The following CACNG4 variants were observed in gnomAD, a reference collection of about 807,000 sequenced individuals.
CACNG4 encodes the protein calcium voltage-gated channel auxiliary subunit gamma 4, also known as voltage-dependent calcium channel gamma-4 subunit.
Under a neutral mutation model 22.9 loss-of-function variants are expected in CACNG4, and 8 were observed. That is an observed-to-expected ratio of 0.35 (90% CI 0.21 to 0.63). The LOEUF is 0.63. Ranked by LOEUF, CACNG4 falls within the 30% of genes least tolerant of loss-of-function variation. The pLI is 0.72. For missense variants in CACNG4, 357 were observed against 455.4 expected (o/e 0.78, Z 1.97); for synonymous variants, 188 against 191.9 (o/e 0.98, Z 0.17).
At chr17:67,014,815 T>C (rs1372825000) in intron 1 of CACNG4, among the ~76,000 whole-genome samples, 1 of 151,982 alleles carries the variant, frequency 6.6e-6, no homozygotes, top group South Asian at 2.1e-4. Flanking sequence ...TGCGTGCCTG[T>C]AGTCTCAGTT....
At chr17:67,026,208 GGT>G in intron 3 of CACNG4, among the ~76,000 whole-genome samples, 1 of 150,940 alleles carries the variant, frequency 6.6e-6, no homozygotes, top group East Asian at 2.0e-4. Flanking sequence ...TGAGGACTGT[GGT>G]GTGTTTGTGT....
chr17:66,988,263 C>T lies in CACNG4; in HGVS notation c.220+23132C>T, dbSNP rs538073880. ...GCGGGAAGACCCAGGCTGGAGCACA[C>T]GCATCAAGGCTCAGCGCTGTCTGCT... is the stretch of plus-strand genomic sequence containing the variant. On this transcript the variant is annotated intron_variant, in intron 1 of 3. Coordinates refer to ENST00000262138, the MANE Select transcript of CACNG4 (RefSeq NM_014405.4). Among the ~76,000 whole-genome samples the T allele has an allele frequency of 3.3e-5, 5 of 152,184 alleles. No individual in the cohort carries two copies. In the South Asian group the frequency reaches 8.3e-4, roughly 25 times the overall value.
intron 1 of CACNG4, among the ~76,000 whole-genome samples, chr17:67,016,656 C>A (rs2035500194): frequency 6.6e-6 from 1 of 152,194 alleles, no homozygotes; most frequent in Non-Finnish European, 1.5e-5. Context: ...GTGGAAACTG[C>A]TCCTTTGGTG....
intron 1 of CACNG4, among the ~76,000 whole-genome samples, chr17:67,004,389 G>A (rs1033100698): frequency 1.2e-4 from 19 of 152,288 alleles, no homozygotes; most frequent in African/African-American, 4.6e-4. Flanking sequence ...GGCTGGTGCT[G>A]TGGGTTCTTG....
At chr17:66,990,689 A>AT (rs1303150626) in intron 1 of CACNG4, among the ~76,000 whole-genome samples, 1 of 132,170 alleles carries the variant, frequency 7.6e-6, no homozygotes, top group African/African-American at 3.1e-5. Context: ...TATTTTATTT[A>AT]TTTATTTTTG....
chr17:66,990,619 T>G (rs1256868486), intron 1 of CACNG4, among the ~76,000 whole-genome samples: 2 of 152,094 alleles, frequency 1.3e-5, no homozygotes, highest in African/African-American at 4.8e-5. Context: ...TACGAAATTT[T>G]CTTCTGCACT....
At chr17:67,001,131 G>A (rs2035405664) in intron 1 of CACNG4, among the ~76,000 whole-genome samples, 1 of 152,060 alleles carries the variant, frequency 6.6e-6, no homozygotes, top group East Asian at 1.9e-4. Context: ...ATAAAGGGCA[G>A]TTCCCCTGCA....
At chr17:66,985,800 T>A (rs1457481902) in intron 1 of CACNG4, among the ~76,000 whole-genome samples, 1 of 152,084 alleles carries the variant, frequency 6.6e-6, no homozygotes, top group Non-Finnish European at 1.5e-5. Flanking sequence ...TGGAAATGCG[T>A]TAAGTGCACG....
chr17:66,996,776 G>A (rs1048275281), intron 1 of CACNG4, among the ~76,000 whole-genome samples: 3 of 152,178 alleles, frequency 2.0e-5, no homozygotes, highest in East Asian at 1.9e-4. Context: ...CCTGGCTCAC[G>A]GGGAGACACA....
At chr17:66,967,360 G>A (rs2035176981) in intron 1 of CACNG4, among the ~76,000 whole-genome samples, 1 of 152,164 alleles carries the variant, frequency 6.6e-6, no homozygotes, top group Non-Finnish European at 1.5e-5. Flanking sequence ...CCCAGGGCTG[G>A]GAGAGTGGGT....
chr17:67,032,020 C>T lies in CACNG4; in HGVS notation c.*1016C>T, dbSNP rs1480928982. The T allele has an allele frequency of 4.4e-6, 2 of 453,122 alleles. No homozygotes were observed. The highest frequency in any genetic ancestry group is 8.9e-6 in the Non-Finnish European group (2 of 225,940). The allele number at this position is 453,122 out of a possible 1,614,324, so 28.1% of individuals were successfully genotyped here. The stretch of plus-strand genomic sequence containing the variant: ...CAAACATCCATTTCCTAGGTGGTTA[C>T]AAATCATAACTTCCTGCAAATCAAC... On this transcript the variant is annotated 3_prime_UTR_variant, in exon 4 of 4. Transcript: ENST00000262138.
At chr17:66,989,648 G>A (rs1042620341) in intron 1 of CACNG4, among the ~76,000 whole-genome samples, 2 of 151,602 alleles carry the variant, frequency 1.3e-5, no homozygotes, top group South Asian at 2.1e-4. Flanking sequence ...AATAACTGCC[G>A]AATTAACCAC....
rs574061061 is a variant in CACNG4, at chr17:67,027,243, G to A, written c.445+2243G>A. Reference sequence around the variant, plus strand: ...TTCGAGGTGCCCCCTGCAGCTGCCCGTGCCCCCAGGAGGAGCCGTTTCAAA... The same window carrying A: ...TTCGAGGTGCCCCCTGCAGCTGCCCATGCCCCCAGGAGGAGCCGTTTCAAA... On this transcript the variant is annotated intron_variant, in intron 3 of 3. Coordinates refer to ENST00000262138, the MANE Select transcript of CACNG4 (RefSeq NM_014405.4). This position sits in a 1 kb window ranked among gnomAD's most constrained non-coding sequence, Gnocchi z 4.3. 2.0e-5 allele frequency among the ~76,000 whole-genome samples: 3 copies of A among 152,308 alleles called. No individual in the cohort carries two copies. The East Asian group carries it at 5.8e-4, about 29-fold the overall frequency.
intron 1 of CACNG4, among the ~76,000 whole-genome samples, chr17:67,011,769 C>G (rs578183320): frequency 6.6e-6 from 1 of 152,130 alleles, no homozygotes; most frequent in African/African-American, 2.4e-5. Flanking sequence ...GGAAAGGTCC[C>G]ACTCAGTATC....
intron 1 of CACNG4, among the ~76,000 whole-genome samples, chr17:67,016,748 T>G (rs1443009737): frequency 6.6e-6 from 1 of 152,124 alleles, no homozygotes; most frequent in Non-Finnish European, 1.5e-5. Context: ...GGATAGGACG[T>G]GGCGGCAACA....
chr17:66,967,182 C>G (rs2035175980), intron 1 of CACNG4, among the ~76,000 whole-genome samples: 1 of 152,224 alleles, frequency 6.6e-6, no homozygotes, highest in Non-Finnish European at 1.5e-5. Context: ...TTGCCAGCTG[C>G]CTCGAGCCAT....
At chr17:67,020,187 A>AGATCGCCGG (rs1207225874) in intron 2 of CACNG4, 1 of 152,420 alleles carries the variant, frequency 6.6e-6, no homozygotes, top group African/African-American at 2.4e-5. Context: ...TCCCTCGCCG[A>AGATCGCCGG]GACCCTTCTC....
chr17:67,006,332 T>A (rs954636317), intron 1 of CACNG4, among the ~76,000 whole-genome samples: 2 of 151,428 alleles, frequency 1.3e-5, no homozygotes, highest in Non-Finnish European at 2.9e-5. Context: ...GAGCCATGAG[T>A]TTTCCAGCTT....
chr17:66,965,805 C>T (rs904372512), intron 1 of CACNG4, among the ~76,000 whole-genome samples: 1 of 152,046 alleles, frequency 6.6e-6, no homozygotes, highest in Non-Finnish European at 1.5e-5. Flanking sequence ...GCCCGACGCC[C>T]GCCTCGTCTC....
Sources: allele counts gnomAD v4.1 joint callset (sites outside exome capture counted in the v4.1 genomes callset), GRCh38; gene constraint gnomAD v4.1.1; non-coding constraint Gnocchi (gnomAD v3.1); transcripts MANE v1.5; gene names NCBI Gene and HGNC (gene_info 2026-07-23, HGNC 2026-07-21).